Variants in EPB41L4B observed in about 807,000 individuals in gnomAD.
EPB41L4B encodes erythrocyte membrane protein band 4.1 like 4B.
EPB41L4B carries 30 observed loss-of-function variants against 112.5 expected under a neutral mutation model. The ratio of observed to expected loss-of-function variants is 0.27; its 90% CI spans 0.20 to 0.36. The LOEUF (loss-of-function observed/expected upper bound fraction) is 0.36, where lower values mean the gene tolerates loss of function less well. EPB41L4B is among the 10% of genes least tolerant of loss of function. The pLI is 1.00. For missense variants in EPB41L4B, 1,024 were observed against 1,133.3 expected, an observed-to-expected ratio of 0.90 and a Z score of 1.38; for synonymous variants, 408 against 439.7, an observed-to-expected ratio of 0.93 and a Z score of 0.90.
intron 2 of EPB41L4B, among the ~76,000 whole-genome samples, chr9:109,271,773 G>A (rs1371889592): frequency 6.6e-6 from 1 of 152,210 alleles, no homozygotes; most frequent in East Asian, 1.9e-4. Context: ...ACTGGAAACA[G>A]ACAGGTGCAA....
intron 15 of EPB41L4B, among the ~76,000 whole-genome samples, chr9:109,230,414 T>TAACTCACTTA (rs1833913799): frequency 6.6e-6 from 1 of 152,206 alleles, no homozygotes; most frequent in Admixed American, 6.5e-5. Context: ...TGACCTTAGG[T>TAACTCACTTA]AACTCACTTA....
intron 15 of EPB41L4B, among the ~76,000 whole-genome samples, chr9:109,221,741 G>A (rs1156789730): frequency 6.6e-6 from 1 of 152,214 alleles, no homozygotes; most frequent in South Asian, 2.1e-4. Flanking sequence ...CGACCATCAC[G>A]TGGGTAACAA....
chr9:109,312,616 T>C (rs1837459208), intron 1 of EPB41L4B, among the ~76,000 whole-genome samples: 1 of 152,168 alleles, frequency 6.6e-6, no homozygotes, highest in Non-Finnish European at 1.5e-5. Flanking sequence ...TCTTAACCTG[T>C]CTGCTAAACC....
intron 1 of EPB41L4B, among the ~76,000 whole-genome samples, chr9:109,315,440 C>T (rs915721145): frequency 1.3e-5 from 2 of 152,206 alleles, no homozygotes; most frequent in Non-Finnish European, 2.9e-5. Context: ...ATTTTTTCCA[C>T]TGTTTGGGAA....
At chr9:109,192,401 G>C in intron 21 of EPB41L4B, 46 bp from the exon 22 acceptor site, 1 of 1,451,084 alleles carries the variant, frequency 6.9e-7, no homozygotes, top group Non-Finnish European at 9.4e-7. Context: ...GCACTGCATT[G>C]ATGATAAAGT....
rs565325672 is a variant in EPB41L4B at position 109,315,818 on chromosome 9, AC to A, written c.306+4322del. Among the ~76,000 whole-genome samples, 77 of 152,308 alleles carry A rather than the reference AC, an allele frequency of 5.1e-4. No individual in the cohort carries two copies. The South Asian group carries it at 6.6e-3, about 13-fold the overall frequency. On this transcript the variant is annotated intron_variant, in intron 1 of 25. Transcript: ENST00000374566. ...GATTCTCCTGTTTTTGCTGAAAAAA[AC>A]ATCACTTTTCACATCCAAAGTGAAA...
rs1173812420 is a variant in EPB41L4B, at chr9:109,173,698, G to A, written c.*856C>T. The A allele has an allele frequency of 1.3e-5, 2 of 152,554 alleles. No individual in the cohort carries two copies. The highest frequency in any genetic ancestry group is 1.5e-5 in the Non-Finnish European group (1 of 68,028). The allele number at this position is 152,554 out of a possible 1,614,324, so 9.5% of individuals were successfully genotyped here. On this transcript the variant is annotated 3_prime_UTR_variant, in exon 26 of 26. Transcript: ENST00000374566. ...TAGAGGGATATTTTGTGGTTAGGGG[G>A]TTGCTTTATTCCTGCAAAGTTGTTC...
intron 1 of EPB41L4B, among the ~76,000 whole-genome samples, chr9:109,305,300 T>G (rs1381901821): frequency 2.0e-5 from 3 of 152,084 alleles, no homozygotes; most frequent in Non-Finnish European, 2.9e-5. Flanking sequence ...GGCTAGGCCC[T>G]TAAGGGATAA....
chr9:109,236,245 A>C (rs946667953), intron 15 of EPB41L4B, among the ~76,000 whole-genome samples: 1 of 152,176 alleles, frequency 6.6e-6, no homozygotes, highest in Non-Finnish European at 1.5e-5. Flanking sequence ...ACTTGGTTTG[A>C]TAGATTGCAG....
intron 15 of EPB41L4B, among the ~76,000 whole-genome samples, chr9:109,237,824 G>T (rs770472217): frequency 6.6e-6 from 1 of 152,082 alleles, no homozygotes; most frequent in Non-Finnish European, 1.5e-5. Flanking sequence ...TGGTTACCAG[G>T]CCACACTGGT....
intron 15 of EPB41L4B, among the ~76,000 whole-genome samples, chr9:109,226,026 A>G (rs1401389959): frequency 1.3e-5 from 2 of 152,198 alleles, no homozygotes; most frequent in African/African-American, 4.8e-5. Flanking sequence ...TGGAGAGCCA[A>G]TTGTTCTAAG....
intron 17 of EPB41L4B, among the ~76,000 whole-genome samples, chr9:109,211,718 CTT>C (rs200175519): frequency 0.011 from 1,314 of 116,342 alleles, 9 homozygotes; most frequent in Middle Eastern, 0.021. Context: ...TATTTCTTTT[CTT>C]TTTTTTTTTT....
chr9:109,215,002 G>A (rs1159976162), intron 16 of EPB41L4B, among the ~76,000 whole-genome samples: 1 of 152,120 alleles, frequency 6.6e-6, no homozygotes, highest in African/African-American at 2.4e-5. Context: ...AGTGATGAGG[G>A]ACAGAGTTCG....
chr9:109,281,722 A>T (rs199582976), intron 1 of EPB41L4B, among the ~76,000 whole-genome samples: 6,782 of 125,296 alleles, frequency 0.054, 194 homozygotes, highest in African/African-American at 0.09. Flanking sequence ...ATAAATAAAT[A>T]AATTAATTAA....
At chr9:109,273,535 C>T (rs1835704262) in intron 2 of EPB41L4B, among the ~76,000 whole-genome samples, 1 of 152,172 alleles carries the variant, frequency 6.6e-6, no homozygotes, top group Non-Finnish European at 1.5e-5. Context: ...ACGTGAGCCA[C>T]CACACCACGC....
At position 109,174,135 on chromosome 9, in the gene EPB41L4B, T is replaced by C. The variant is rs565545198; in HGVS notation, c.*419A>G. 6.3e-6 allele frequency: 1 copy of C among 159,754 alleles called. No homozygotes were observed. The highest frequency in any genetic ancestry group is 6.1e-5 in the Admixed American group (1 of 16,510). 9.9% of individuals were successfully genotyped at this position (159,754 alleles called of 1,614,324 possible). On this transcript the variant is annotated 3_prime_UTR_variant, in exon 26 of 26. Coordinates refer to ENST00000374566, the MANE Select transcript of EPB41L4B (RefSeq NM_019114.5). ...AAATGAAAAACCAGCAATAAAGAATTATTCTTTCATTAAAAATGACTCTTT... is the reference window on the plus strand; with the variant it reads ...AAATGAAAAACCAGCAATAAAGAATCATTCTTTCATTAAAAATGACTCTTT...
At chr9:109,184,212 G>C (rs1243042377) in intron 23 of EPB41L4B, among the ~76,000 whole-genome samples, 2 of 152,138 alleles carry the variant, frequency 1.3e-5, no homozygotes, top group East Asian at 3.9e-4. Flanking sequence ...AGCAGAAAGG[G>C]AAAGTGGTTT....
rs112364769 is a variant in EPB41L4B, at chr9:109,273,039, C to T, written c.412-4606G>A. Reference sequence around the variant, plus strand: ...TTCTCTGCCTGTGGGGGGATCTTTCCTGCTCCCCATGATGACCAAGCCCTA... The same window carrying T: ...TTCTCTGCCTGTGGGGGGATCTTTCTTGCTCCCCATGATGACCAAGCCCTA... On this transcript the variant is annotated intron_variant, in intron 2 of 25. Coordinates refer to ENST00000374566, the MANE Select transcript of EPB41L4B (RefSeq NM_019114.5). 2.8e-3 allele frequency among the ~76,000 whole-genome samples: 420 copies of T among 152,178 alleles called. 2 individuals carry two copies. Among genetic ancestry groups the T allele is most frequent in the African/African-American group, 9.5e-3 (396 of 41,520 alleles).
chr9:109,286,097 C>A (rs1836265823), intron 1 of EPB41L4B, among the ~76,000 whole-genome samples: 1 of 149,234 alleles, frequency 6.7e-6, no homozygotes, highest in South Asian at 2.1e-4. Flanking sequence ...CAGTGCCTGG[C>A]TGGCACACAG....
Sources: gnomAD v4.1 joint callset for allele counts (sites outside exome capture counted in the v4.1 genomes callset) on GRCh38, gnomAD v4.1.1 for gene constraint, MANE v1.5 for transcripts, NCBI Gene and HGNC (gene_info 2026-07-23, HGNC 2026-07-21) for gene names.